Variants in PSTPIP2 observed in about 807,000 individuals in gnomAD.
The protein encoded by PSTPIP2 is proline-serine-threonine phosphatase interacting protein 2, also known as proline-serine-threonine phosphatase-interacting protein 2.
PSTPIP2 carries 33 observed loss-of-function variants against 63.3 expected under a neutral mutation model. The observed-to-expected ratio is 0.52, with a 90% CI of 0.40 to 0.70. The LOEUF (loss-of-function observed/expected upper bound fraction) is 0.70. Among genes scored for constraint, PSTPIP2 ranks in the 30% least tolerant of loss-of-function variants. The pLI is 0.00. For missense variants in PSTPIP2, 312 were observed against 400.7 expected (o/e 0.78, Z 1.89); for synonymous variants, 125 against 132.7 (o/e 0.94, Z 0.40).
At chr18:46,070,416 G>T (rs558640647) in intron 1 of PSTPIP2, among the ~76,000 whole-genome samples, 22 of 152,330 alleles carry the variant, frequency 1.4e-4, no homozygotes, top group Admixed American at 5.2e-4. Flanking sequence ...AGGGGTGGAG[G>T]CTGGTGGGGA....
chr18:46,034,016 C>G (rs935250886), intron 2 of PSTPIP2, among the ~76,000 whole-genome samples: 1 of 152,290 alleles, frequency 6.6e-6, no homozygotes, highest in South Asian at 2.1e-4. Flanking sequence ...GGCTTGACAA[C>G]TTGACCAGCT....
Position 46,024,665 on chromosome 18 carries a change from A to G in PSTPIP2, c.156T>C (p.Tyr52=). The change falls in exon 3 of 15, where the codon TAT becomes TAC. Residue 52 remains tyrosine, a synonymous_variant. Transcript: ENST00000409746. ...TAGAGAGGTTGAGCAGATCTTTGCC[A>G]TACCTCTCTTCAATTGCTGCCCTAG... ...LKERAAIEER[Y]GKDLLNLSRK... is the part of the protein sequence containing the mutation. The G allele has an allele frequency of 1.2e-6, 2 of 1,613,992 alleles. No individual in the cohort carries two copies. Among genetic ancestry groups the G allele is most frequent in the Non-Finnish European group, 1.7e-6 (2 of 1,179,878 alleles).
At chr18:46,039,409 C>T (rs769556006) in intron 2 of PSTPIP2, among the ~76,000 whole-genome samples, 22 of 152,120 alleles carry the variant, frequency 1.4e-4, no homozygotes, top group Non-Finnish European at 2.8e-4. Context: ...CACTCTGCCT[C>T]CCTCTAACCA....
At chr18:45,992,737 A>T (rs2051550762) in intron 10 of PSTPIP2, among the ~76,000 whole-genome samples, 1 of 149,950 alleles carries the variant, frequency 6.7e-6, no homozygotes, top group Admixed American at 6.6e-5. Flanking sequence ...ATTTTTTTTT[A>T]GACAGAGTCT....
At chr18:46,030,197 TAAAGAGA>T in intron 2 of PSTPIP2, among the ~76,000 whole-genome samples, 1 of 152,354 alleles carries the variant, frequency 6.6e-6, no homozygotes, top group East Asian at 1.9e-4. Context: ...CTCAGACTTC[TAAAGAGA>T]CTATTTGAAG....
intron 9 of PSTPIP2, among the ~76,000 whole-genome samples, chr18:45,996,473 C>T (rs2051595289): frequency 6.6e-6 from 1 of 152,138 alleles, no homozygotes; most frequent in Non-Finnish European, 1.5e-5. Flanking sequence ...CCTAGGACCT[C>T]ACTTTGAGAA....
At chr18:46,042,420 C>T (rs753663341) in intron 1 of PSTPIP2, among the ~76,000 whole-genome samples, 2 of 152,086 alleles carry the variant, frequency 1.3e-5, no homozygotes, top group Non-Finnish European at 2.9e-5. Flanking sequence ...TGAGTAGCCC[C>T]AATTCTCCCT....
At chr18:46,011,127 C>A in intron 5 of PSTPIP2, 54 bp downstream of exon 5, 1 of 1,430,330 alleles carries the variant, frequency 7.0e-7, no homozygotes, top group South Asian at 1.1e-5. Flanking sequence ...ACAAACAAGC[C>A]TGCGGTTTTC....
In PSTPIP2 at chr18:45,983,866, G is replaced by T. The variant is rs1040639421; in HGVS notation, c.*1593C>A. 1 of 152,248 alleles carries T rather than the reference G, an allele frequency of 6.6e-6. No homozygotes were observed. The highest frequency in any genetic ancestry group is 1.5e-5 in the Non-Finnish European group (1 of 68,100). 9.4% of individuals were successfully genotyped at this position (152,248 alleles called of 1,614,324 possible). Reference sequence around the variant, plus strand: ...CCTTACACGAAAGGTGGGGAAATAGGCCGGGCGCAGTGGCTCACGCCTGTA... The same window carrying T: ...CCTTACACGAAAGGTGGGGAAATAGTCCGGGCGCAGTGGCTCACGCCTGTA... On this transcript the variant is annotated 3_prime_UTR_variant, in exon 15 of 15. Coordinates refer to ENST00000409746, the MANE Select transcript of PSTPIP2 (RefSeq NM_024430.4).
chr18:46,050,975 GCCTCAA>G (rs1908563727), intron 1 of PSTPIP2, among the ~76,000 whole-genome samples: 1 of 151,606 alleles, frequency 6.6e-6, no homozygotes, highest in Admixed American at 6.6e-5. Flanking sequence ...CCATTCTCCT[GCCTCAA>G]CCTCCCAAGT....
At chr18:46,057,579 C>T (rs1908808487) in intron 1 of PSTPIP2, among the ~76,000 whole-genome samples, 1 of 152,100 alleles carries the variant, frequency 6.6e-6, no homozygotes. Flanking sequence ...ATCCACCCAC[C>T]TCCATCTCCC....
At chr18:46,018,396 A>C (rs934720314) in intron 3 of PSTPIP2, among the ~76,000 whole-genome samples, 1 of 151,560 alleles carries the variant, frequency 6.6e-6, no homozygotes, top group African/African-American at 2.4e-5. Context: ...TCTTTCGTTG[A>C]TATCTTTTTT....
In PSTPIP2 at chr18:45,985,305, G is replaced by A. The variant is rs1356047563; in HGVS notation, c.*154C>T. ...TCTACTTGCTTATGTTGTCCTAAATGTCTACCATAAATTTTAAATCTCTAA... is the reference window on the plus strand; with the variant it reads ...TCTACTTGCTTATGTTGTCCTAAATATCTACCATAAATTTTAAATCTCTAA... On this transcript the variant is annotated 3_prime_UTR_variant, in exon 15 of 15. Coordinates refer to ENST00000409746, the MANE Select transcript of PSTPIP2 (RefSeq NM_024430.4). The A allele has an allele frequency of 5.5e-6, 6 of 1,084,836 alleles. No homozygotes were observed. Among genetic ancestry groups the A allele is most frequent in the Non-Finnish European group, 8.0e-6 (6 of 749,030 alleles). The allele number at this position is 1,084,836 out of a possible 1,614,324, so 67.2% of individuals were successfully genotyped here.
At chr18:46,041,555 C>A (rs653919) in intron 1 of PSTPIP2, among the ~76,000 whole-genome samples, 31,670 of 151,954 alleles carry the variant, frequency 0.21, 3,802 homozygotes, top group Admixed American at 0.28. Context: ...TTTAAATTAG[C>A]AGTTTATTTA....
At chr18:46,029,830 G>T (rs1417566252) in intron 2 of PSTPIP2, 1 of 440,110 alleles carries the variant, frequency 2.3e-6, no homozygotes, top group Non-Finnish European at 4.3e-6. Flanking sequence ...AAAGGGCAAG[G>T]CCGGCTGGGC....
At chr18:46,028,942 G>T in intron 2 of PSTPIP2, 1 of 1,304,150 alleles carries the variant, frequency 7.7e-7, no homozygotes, top group Non-Finnish European at 1.1e-6. Flanking sequence ...GCATGGTAAT[G>T]CTGAACGTCC....
intron 2 of PSTPIP2, among the ~76,000 whole-genome samples, chr18:46,038,774 C>T (rs1345719220): frequency 3.3e-5 from 5 of 152,208 alleles, no homozygotes; most frequent in African/African-American, 9.6e-5. Flanking sequence ...GTCCTCCAGA[C>T]CTTTGGAATG....
At chr18:46,054,136 CAG>C (rs1908673889) in intron 1 of PSTPIP2, among the ~76,000 whole-genome samples, 3 of 152,178 alleles carry the variant, frequency 2.0e-5, no homozygotes, top group Admixed American at 2.0e-4. Flanking sequence ...ACATATCAAA[CAG>C]AAATGGTATA....
At chr18:46,017,785 ACT>A (rs2051867599) in intron 3 of PSTPIP2, among the ~76,000 whole-genome samples, 1 of 151,846 alleles carries the variant, frequency 6.6e-6, no homozygotes, top group African/African-American at 2.4e-5. Flanking sequence ...CTTAAAATCT[ACT>A]CTCTTAGTGG....
Sources: allele counts gnomAD v4.1 joint callset (sites outside exome capture counted in the v4.1 genomes callset), GRCh38; gene constraint gnomAD v4.1.1; transcripts MANE v1.5; gene names NCBI Gene and HGNC (gene_info 2026-07-23, HGNC 2026-07-21).